The following OPRD1 variants were observed in gnomAD, a reference collection of about 807,000 sequenced individuals.
The protein encoded by OPRD1 is delta-type opioid receptor.
A neutral mutation model predicts 17.5 loss-of-function variants in OPRD1; 19 were observed. That is an observed-to-expected ratio of 1.09 (90% CI 0.76 to 1.60). OPRD1 has a LOEUF of 1.60. OPRD1 is among the 40% of genes most tolerant of loss of function. The pLI, the probability that OPRD1 is intolerant of heterozygous loss-of-function variation, is 0.00. For synonymous variants in OPRD1, 256 were observed against 240.9 expected, an observed-to-expected ratio of 1.06 and a Z score of -0.58; for missense variants, 483 against 547.2, an observed-to-expected ratio of 0.88 and a Z score of 1.17.
rs2089179288 is a variant in OPRD1, at chr1:28,866,958, G to C, written c.*3675G>C. The C allele has an allele frequency of 6.6e-6, 1 of 150,756 alleles. No individual in the cohort carries two copies. Among genetic ancestry groups the C allele is most frequent in the South Asian group, 2.1e-4 (1 of 4,792 alleles). 9.3% of individuals were successfully genotyped at this position (150,756 alleles called of 1,614,324 possible). A position where few individuals can be genotyped will look rare whatever the true frequency, so the allele number is the denominator to read the frequency against. On this transcript the variant is annotated 3_prime_UTR_variant, in exon 3 of 3. Transcript: ENST00000234961. ...AGGAGGGAGGGAAGTTTTTGCCCCT[G>C]ATTTCAAAATGTCCTACTGTTTCAG...
At chr1:28,815,859 T>C (rs990059287) in intron 1 of OPRD1, among the ~76,000 whole-genome samples, 3 of 152,016 alleles carry the variant, frequency 2.0e-5, no homozygotes, top group Non-Finnish European at 4.4e-5. Flanking sequence ...CAGAGACCCT[T>C]GGGGAAGGAA....
chr1:28,819,686 C>T (rs1305819621), intron 1 of OPRD1, among the ~76,000 whole-genome samples: 1 of 152,146 alleles, frequency 6.6e-6, no homozygotes, highest in Admixed American at 6.5e-5. Context: ...GGGGTGGAGT[C>T]GAGATTCCAA....
chr1:28,859,060 G>C lies in OPRD1; in HGVS notation c.334G>C (p.Glu112Gln). 1 of 1,614,234 alleles carries C rather than the reference G, an allele frequency of 6.2e-7. No homozygotes were observed. Among genetic ancestry groups the C allele is most frequent in the South Asian group, 1.1e-5 (1 of 91,084 alleles). ...LPFQSAKYLM[E>Q]TWPFGELLCK... ...TTTCCAGAGTGCCAAGTACCTGATG[G>C]AGACGTGGCCCTTCGGCGAGCTGCT... The change falls in exon 2 of 3, where the codon GAG becomes CAG. Residue 112 changes from glutamate to glutamine, a missense_variant. By Grantham distance (29) the Glu-to-Gln change is conservative (BLOSUM62 2). Transcript: ENST00000234961.
intron 1 of OPRD1, among the ~76,000 whole-genome samples, chr1:28,829,431 C>T (rs1289594384): frequency 2.6e-5 from 4 of 151,930 alleles, no homozygotes; most frequent in Non-Finnish European, 4.4e-5. Context: ...TGCAATGGCG[C>T]GATCTCGGCT....
At chr1:28,848,021 G>T (rs1049841767) in intron 1 of OPRD1, among the ~76,000 whole-genome samples, 1 of 152,102 alleles carries the variant, frequency 6.6e-6, no homozygotes. Context: ...GGCCAAGGCA[G>T]GTGAATCATG....
At chr1:28,815,598 T>C (rs756644342) in intron 1 of OPRD1, among the ~76,000 whole-genome samples, 6 of 152,238 alleles carry the variant, frequency 3.9e-5, no homozygotes, top group African/African-American at 9.6e-5. Flanking sequence ...TCTTGGCTTC[T>C]GCTGGAAACA....
At chr1:28,860,914 C>T (rs959129494) in intron 2 of OPRD1, among the ~76,000 whole-genome samples, 4 of 152,140 alleles carry the variant, frequency 2.6e-5, no homozygotes, top group Non-Finnish European at 1.5e-5. Context: ...CACAGCAGAG[C>T]CCCATTCCTC....
At position 28,859,064 on chromosome 1, in the gene OPRD1, C is replaced by T. The variant is rs560311089; in HGVS notation, c.338C>T (p.Thr113Met). The stretch of plus-strand genomic sequence containing the variant: ...CAGAGTGCCAAGTACCTGATGGAGA[C>T]GTGGCCCTTCGGCGAGCTGCTCTGC... ...PFQSAKYLME[T>M]WPFGELLCKA... Residue 113 changes from threonine (T) to methionine (M), a missense_variant, in exon 2 of 3, where the codon ACG becomes ATG. Physicochemically the swap from Thr to Met is moderately conservative, Grantham distance 81. Transcript: ENST00000234961. The T allele has an allele frequency of 9.3e-6, 15 of 1,614,124 alleles. No homozygotes were observed. Among genetic ancestry groups the T allele is most frequent in the Admixed American group, 3.3e-5 (2 of 60,010 alleles).
intron 1 of OPRD1, among the ~76,000 whole-genome samples, chr1:28,822,644 G>C (rs1280077372): frequency 3.2e-5 from 4 of 124,620 alleles, no homozygotes; most frequent in African/African-American, 1.5e-4. Context: ...ACCATGCCCG[G>C]TTAATTTTTT....
At chr1:28,838,571 C>A (rs931636531) in intron 1 of OPRD1, among the ~76,000 whole-genome samples, 1 of 152,098 alleles carries the variant, frequency 6.6e-6, no homozygotes, top group Non-Finnish European at 1.5e-5. Context: ...TTACCAAGAG[C>A]CAGCAGAGAA....
At chr1:28,859,439 A>G (rs1379794504) in intron 2 of OPRD1, 136 bp downstream of exon 2, 12 of 735,118 alleles carry the variant, frequency 1.6e-5, no homozygotes, top group African/African-American at 1.2e-4. Context: ...ATCAAGATCA[A>G]TGATGGTGTG....
rs1223527168 is a variant in OPRD1, at chr1:28,812,619, G to T, written c.227+9G>T. 2.0e-6 allele frequency: 3 copies of T among 1,492,398 alleles called. No homozygotes were observed. Among genetic ancestry groups the T allele is most frequent in the Non-Finnish European group, 1.8e-6 (2 of 1,121,850 alleles). The allele number at this position is 1,492,398 out of a possible 1,614,324, so 92.4% of individuals were successfully genotyped here. On this transcript the variant is annotated intron_variant, in intron 1 of 2. Coordinates refer to ENST00000234961, the MANE Select transcript of OPRD1 (RefSeq NM_000911.4). ...ATGTTCGGCATCGTCCGGTGAGTCC[G>T]CTGCGGGCCGGCGCCGCAGGGCTGG...
intron 1 of OPRD1, among the ~76,000 whole-genome samples, chr1:28,846,073 G>A (rs1191886120): frequency 6.6e-6 from 1 of 152,182 alleles, no homozygotes; most frequent in South Asian, 2.1e-4. Context: ...TTCCGCTGCC[G>A]CCTCTCCTGT....
chr1:28,844,207 A>G (rs1345316538), intron 1 of OPRD1, among the ~76,000 whole-genome samples: 3 of 140,522 alleles, frequency 2.1e-5, no homozygotes, highest in Admixed American at 7.3e-5. Flanking sequence ...GTGAAGTGGT[A>G]TCTCATTGTG....
chr1:28,840,174 G>A (rs2088884058), intron 1 of OPRD1, among the ~76,000 whole-genome samples: 1 of 152,110 alleles, frequency 6.6e-6, no homozygotes, highest in Non-Finnish European at 1.5e-5. Context: ...AATGTGTTTT[G>A]AGTACCTGCT....
chr1:28,853,010 G>A (rs1002230146), intron 1 of OPRD1, among the ~76,000 whole-genome samples: 8 of 151,942 alleles, frequency 5.3e-5, no homozygotes, highest in Non-Finnish European at 7.4e-5. Context: ...GTGAGCCACC[G>A]CGCCCAGCCA....
At chr1:28,816,730 C>G (rs1484396308) in intron 1 of OPRD1, among the ~76,000 whole-genome samples, 1 of 152,112 alleles carries the variant, frequency 6.6e-6, no homozygotes, top group Admixed American at 6.5e-5. Flanking sequence ...TCGTGCTGGC[C>G]ATGGGGATGC....
chr1:28,859,496 G>T (rs932974156), intron 2 of OPRD1, among the ~76,000 whole-genome samples, 193 bp downstream of exon 2: 1 of 152,204 alleles, frequency 6.6e-6, no homozygotes, highest in Admixed American at 6.5e-5. Flanking sequence ...AATGGGAATG[G>T]GAATAGCTGG....
Position 28,862,930 on chromosome 1 carries a change from C to T in OPRD1, c.766C>T (p.Leu256=). The T allele has an allele frequency of 6.2e-7, 1 of 1,612,894 alleles. No individual in the cohort carries two copies. ...LSGSKEKDRS[L]RRITRMVLVV... Reference sequence around the variant, plus strand: ...GGGCTCCAAGGAGAAGGACCGCAGCCTGCGGCGCATCACGCGCATGGTGCT... The same window carrying T: ...GGGCTCCAAGGAGAAGGACCGCAGCTTGCGGCGCATCACGCGCATGGTGCT... Residue 256 remains leucine, a synonymous_variant, in exon 3 of 3, where the codon CTG becomes TTG. Transcript: ENST00000234961.
Sources: gnomAD v4.1 joint callset for allele counts (sites outside exome capture counted in the v4.1 genomes callset) on GRCh38, gnomAD v4.1.1 for gene constraint, MANE v1.5 for transcripts, NCBI Gene and HGNC (gene_info 2026-07-23, HGNC 2026-07-21) for gene names.